UNC5C: variants seen among roughly 807,000 people sequenced by gnomAD.
The protein encoded by UNC5C is netrin receptor UNC5C.
A neutral mutation model predicts 99.8 loss-of-function variants in UNC5C; 47 were observed. That is an observed-to-expected ratio of 0.47 (90% CI 0.37 to 0.60). The LOEUF is 0.60. Ranked by LOEUF, UNC5C falls within the 20% of genes least tolerant of loss-of-function variation. UNC5C has a pLI of 0.00. For missense variants in UNC5C, 1,062 were observed against 1,165.9 expected, an observed-to-expected ratio of 0.91 and a Z score of 1.30; for synonymous variants, 487 against 452.2, an observed-to-expected ratio of 1.08 and a Z score of -0.98.
At chr4:95,222,175 T>C in intron 7 of UNC5C, 1 of 1,442,618 alleles carries the variant, frequency 6.9e-7, no homozygotes, top group East Asian at 2.6e-5. Flanking sequence ...GTTAAATGAT[T>C]ATTCAGCAAC....
At chr4:95,479,109 T>C (rs1208600241) in intron 1 of UNC5C, among the ~76,000 whole-genome samples, 1 of 152,022 alleles carries the variant, frequency 6.6e-6, no homozygotes. Context: ...CCTCAGGTAC[T>C]CCTTTATGGA....
intron 7 of UNC5C, among the ~76,000 whole-genome samples, chr4:95,223,568 C>T (rs1382723772): frequency 6.6e-6 from 1 of 152,160 alleles, no homozygotes; most frequent in African/African-American, 2.4e-5. Context: ...TTTGCTGTAG[C>T]ACAGATAGGT....
chr4:95,435,792 A>T (rs1191875691), intron 1 of UNC5C, among the ~76,000 whole-genome samples: 2 of 152,000 alleles, frequency 1.3e-5, no homozygotes, highest in Non-Finnish European at 2.9e-5. Context: ...TGAAGTCCAT[A>T]TTTATTGTAG....
In UNC5C at chr4:95,234,849, T is replaced by C. The variant is rs1336205747; in HGVS notation, c.1108+7580A>G. Among the ~76,000 whole-genome samples, 3 of 152,186 alleles carry C rather than the reference T, an allele frequency of 2.0e-5. No individual in the cohort carries two copies. The East Asian group carries it at 5.8e-4, about 29-fold the overall frequency. ...ATGTATGAGTGGTATAAAAATGTAATAGAGCTTCTGAAATTGTTTAAGACC... is the reference window on the plus strand; with the variant it reads ...ATGTATGAGTGGTATAAAAATGTAACAGAGCTTCTGAAATTGTTTAAGACC... On this transcript the variant is annotated intron_variant, in intron 7 of 15. Transcript: ENST00000453304.
chr4:95,169,509 G>T, intron 15 of UNC5C, 110 bp from the exon 16 acceptor site: 1 of 1,216,852 alleles, frequency 8.2e-7, no homozygotes, highest in Non-Finnish European at 1.1e-6. Flanking sequence ...TGGTCCCATT[G>T]TGGCTGACAG....
chr4:95,196,314 T>C (rs1737381281), intron 12 of UNC5C, among the ~76,000 whole-genome samples: 2 of 152,186 alleles, frequency 1.3e-5, no homozygotes, highest in South Asian at 4.1e-4. Flanking sequence ...ACCTTTTCAA[T>C]AGACTTGACC....
chr4:95,476,286 C>T lies in UNC5C; in HGVS notation c.124+72448G>A, dbSNP rs181383568. ...ATCTCTGATACATGGATTAGCTTCT[C>T]GGTAAATATTTCTGTTTGAAAGCAG... On this transcript the variant is annotated intron_variant, in intron 1 of 15. Transcript: ENST00000453304. Among the ~76,000 whole-genome samples, 16 of 152,036 alleles carry T rather than the reference C, an allele frequency of 1.1e-4. No homozygotes were observed. The East Asian group carries it at 1.9e-3, about 19-fold the overall frequency.
At chr4:95,512,823 T>C (rs1722113895) in intron 1 of UNC5C, among the ~76,000 whole-genome samples, 2 of 152,162 alleles carry the variant, frequency 1.3e-5, no homozygotes, top group Admixed American at 6.6e-5. Flanking sequence ...AAAGTTTGTT[T>C]AATTGATAAG....
intron 5 of UNC5C, chr4:95,248,376 C>A: frequency 3.0e-6 from 1 of 336,418 alleles, no homozygotes; most frequent in Non-Finnish European, 5.8e-6. Flanking sequence ...CAAAGAGTAG[C>A]AAGTTATGAA....
chr4:95,418,313 C>G (rs1256805488), intron 1 of UNC5C, among the ~76,000 whole-genome samples: 1 of 152,144 alleles, frequency 6.6e-6, no homozygotes. Context: ...ATGTTCAATT[C>G]TAAAATTATA....
At chr4:95,203,205 A>G (rs568786778) in intron 11 of UNC5C, among the ~76,000 whole-genome samples, 5 of 152,130 alleles carry the variant, frequency 3.3e-5, no homozygotes, top group Non-Finnish European at 7.4e-5. Flanking sequence ...AAGAATCTAC[A>G]TTTTCCCTAA....
In UNC5C at chr4:95,216,153, A is replaced by G. The variant is rs749058607; in HGVS notation, c.1704T>C (p.Tyr568=). The G allele has an allele frequency of 7.4e-6, 12 of 1,613,952 alleles. No homozygotes were observed. Among genetic ancestry groups the G allele is most frequent in the Non-Finnish European group, 8.5e-6 (10 of 1,179,960 alleles). Reference sequence around the variant, plus strand: ...TAGTTTCTTTCCTGTGTACAGTCACATACATTTCGTAGACTCTCCCTTGGG... The same window carrying G: ...TAGTTTCTTTCCTGTGTACAGTCACGTACATTTCGTAGACTCTCCCTTGGG... ...AIPQGRVYEM[Y]VTVHRKETMR... The change falls in exon 10 of 16, where the codon TAT becomes TAC. Residue 568 remains tyrosine (Y), a synonymous_variant. Transcript: ENST00000453304.
chr4:95,369,110 C>T (rs181292719), intron 1 of UNC5C, among the ~76,000 whole-genome samples: 9 of 152,108 alleles, frequency 5.9e-5, no homozygotes, highest in Admixed American at 1.3e-4. Context: ...CCTCCCACCT[C>T]GGCCTCCCAA....
chr4:95,491,340 G>C (rs1050824954), intron 1 of UNC5C, among the ~76,000 whole-genome samples: 1 of 151,596 alleles, frequency 6.6e-6, no homozygotes, highest in Non-Finnish European at 1.5e-5. Flanking sequence ...CTTATTGATA[G>C]AAAGAAATGT....
At chr4:95,485,648 T>C (rs1183729912) in intron 1 of UNC5C, among the ~76,000 whole-genome samples, 2 of 151,780 alleles carry the variant, frequency 1.3e-5, no homozygotes, top group Non-Finnish European at 2.9e-5. Flanking sequence ...CCTGAATTAC[T>C]ACAGTCAGAT....
rs1176509856 is a variant in UNC5C, at chr4:95,163,096, C to G, written c.*6138G>C. ...ATGTTCCCTGCAACTGGGCTCGATGCATTATGTCTGGAGGGCGAGGGCTGC... is the reference window on the plus strand; with the variant it reads ...ATGTTCCCTGCAACTGGGCTCGATGGATTATGTCTGGAGGGCGAGGGCTGC... On this transcript the variant is annotated 3_prime_UTR_variant, in exon 16 of 16. Coordinates refer to ENST00000453304, the MANE Select transcript of UNC5C (RefSeq NM_003728.4). 1 of 152,266 alleles carries G rather than the reference C, an allele frequency of 6.6e-6. No homozygotes were observed. The highest frequency in any genetic ancestry group is 1.5e-5 in the Non-Finnish European group (1 of 68,102). The allele number at this position is 152,266 out of a possible 1,614,324, so 9.4% of individuals were successfully genotyped here.
intron 1 of UNC5C, among the ~76,000 whole-genome samples, chr4:95,389,807 TATC>T (rs1745305956): frequency 6.6e-6 from 1 of 152,100 alleles, no homozygotes; most frequent in Admixed American, 6.6e-5. Flanking sequence ...ATGCAAAATC[TATC>T]ATTAATAGTT....
chr4:95,436,171 A>G (rs1746779733), intron 1 of UNC5C, among the ~76,000 whole-genome samples: 1 of 151,180 alleles, frequency 6.6e-6, no homozygotes, highest in Non-Finnish European at 1.5e-5. Context: ...ATGAGAAATT[A>G]TAATTTATCT....
At chr4:95,363,601 T>C (rs1295872244) in intron 1 of UNC5C, among the ~76,000 whole-genome samples, 16 of 152,162 alleles carry the variant, frequency 1.1e-4, no homozygotes, top group Admixed American at 8.5e-4. Context: ...CTCTTGTCAG[T>C]CACAAAAGAG....
Sources: gnomAD v4.1 joint callset for allele counts (sites outside exome capture counted in the v4.1 genomes callset) on GRCh38, gnomAD v4.1.1 for gene constraint, MANE v1.5 for transcripts, NCBI Gene and HGNC (gene_info 2026-07-23, HGNC 2026-07-21) for gene names.